Variants in RXFP1 observed in about 807,000 individuals in gnomAD.
RXFP1 encodes the protein relaxin family peptide receptor 1.
A neutral mutation model predicts 89.8 loss-of-function variants in RXFP1; 73 were observed. The ratio of observed to expected loss-of-function variants is 0.81; its 90% CI spans 0.67 to 0.99. The LOEUF (loss-of-function observed/expected upper bound fraction) is 0.99, where lower values mean the gene tolerates loss of function less well. RXFP1 is among the 50% of genes least tolerant of loss of function. The probability of loss-of-function intolerance (pLI) is 0.00; values close to 1 mark genes in which losing one functional copy is unlikely to be tolerated. For synonymous variants in RXFP1, 277 were observed against 305.5 expected, an observed-to-expected ratio of 0.91 and a Z score of 0.97; for missense variants, 793 against 895.5, an observed-to-expected ratio of 0.89 and a Z score of 1.46.
chr4:158,544,232 G>T, intron 1 of RXFP1: 1 of 985,266 alleles, frequency 1.0e-6, no homozygotes, highest in Non-Finnish European at 1.2e-6. Context: ...TATGTCTGTT[G>T]AGAAATATGT....
chr4:158,558,707 A>G (rs568702337), intron 1 of RXFP1, among the ~76,000 whole-genome samples: 5 of 152,240 alleles, frequency 3.3e-5, no homozygotes, highest in African/African-American at 4.8e-5. Flanking sequence ...TGAAGGCCTG[A>G]GAAATCCTGA....
chr4:158,645,132 C>T lies in RXFP1; in HGVS notation c.1339C>T (p.Leu447Phe). 1 of 1,608,238 alleles carries T rather than the reference C, an allele frequency of 6.2e-7. No homozygotes were observed. The highest frequency in any genetic ancestry group is 8.5e-7 in the Non-Finnish European group (1 of 1,174,674). The part of the protein sequence containing the change: ...NKLYAMSIIS[L>F]CCADCLMGIY... ...GCTGTATGCCATGTCAATCATTTCT[C>T]TCTGCTGTGAGTATTTCCTGGTTAA... The change falls in exon 15 of 18, where the codon CTC becomes TTC. Residue 447 changes from leucine to phenylalanine, a missense_variant. Physicochemically the swap from Leu to Phe is conservative, Grantham distance 22. Transcript: ENST00000307765.
At chr4:158,572,969 C>T (rs1755413145) in intron 2 of RXFP1, 134 bp downstream of exon 2, 1 of 1,293,528 alleles carries the variant, frequency 7.7e-7, no homozygotes, top group Non-Finnish European at 1.0e-6. Flanking sequence ...GGAAATCTTA[C>T]ACTTATTTCA....
chr4:158,648,704 G>A lies in RXFP1; in HGVS notation c.1962G>A (p.Gln654=). Residue 654 remains glutamine, a synonymous_variant, in exon 17 of 18, where the codon CAG becomes CAA. Transcript: ENST00000307765. The part of the protein sequence containing the change: ...IFVVKFLSLL[Q]VEIPGTITSW... ...TAGTGAAATTTCTTTCACTGCTTCAGGTAGAAATACCAGGTACAATATTTT... is the reference window on the plus strand; with the variant it reads ...TAGTGAAATTTCTTTCACTGCTTCAAGTAGAAATACCAGGTACAATATTTT... 1.3e-6 allele frequency: 2 copies of A among 1,582,746 alleles called. No homozygotes were observed. Among genetic ancestry groups the A allele is most frequent in the Non-Finnish European group, 1.7e-6 (2 of 1,157,070 alleles).
At chr4:158,614,017 G>A (rs1192215436) in intron 8 of RXFP1, among the ~76,000 whole-genome samples, 1 of 150,406 alleles carries the variant, frequency 6.6e-6, no homozygotes, top group Admixed American at 6.6e-5. Flanking sequence ...TGGATCTCTT[G>A]GGTGACCAGG....
chr4:158,618,144 G>A (rs2150152130), intron 9 of RXFP1, among the ~76,000 whole-genome samples: 1 of 152,148 alleles, frequency 6.6e-6, no homozygotes, highest in East Asian at 1.9e-4. Flanking sequence ...ACAAGCTAAA[G>A]CCATAAAGGA....
intron 1 of RXFP1, among the ~76,000 whole-genome samples, chr4:158,564,523 T>A (rs1466271919): frequency 6.6e-6 from 1 of 152,168 alleles, no homozygotes; most frequent in African/African-American, 2.4e-5. Flanking sequence ...CCAGAGAGAC[T>A]CCATGACAAC....
intron 1 of RXFP1, among the ~76,000 whole-genome samples, chr4:158,538,259 TG>T (rs2149816553): frequency 6.6e-6 from 1 of 152,288 alleles, no homozygotes; most frequent in South Asian, 2.1e-4. Flanking sequence ...TCCCTCTGGC[TG>T]CTGTGTGGAG....
At position 158,572,820 on chromosome 4, in the gene RXFP1, G is replaced by A. The variant is rs1351663425; in HGVS notation, c.172G>A (p.Asp58Asn). Residue 58 changes from aspartate (D) to asparagine (N), a missense_variant, in exon 2 of 18, where the codon GAT becomes AAT. Coordinates refer to ENST00000307765, the MANE Select transcript of RXFP1 (RefSeq NM_021634.4). ...NGVDDCGNQA[D>N]EDNCGDNNGW... is the part of the protein sequence containing the mutation. ...TGTGGACGACTGCGGGAATCAGGCC[G>A]ATGAGGACAACTGTGGTGAGTGAAG... The A allele has an allele frequency of 1.9e-6, 3 of 1,614,158 alleles. No homozygotes were observed. Among genetic ancestry groups the A allele is most frequent in the Admixed American group, 3.3e-5 (2 of 60,028 alleles).
At chr4:158,606,726 GGCAT>G (rs1351049905) in intron 5 of RXFP1, among the ~76,000 whole-genome samples, 7 of 151,354 alleles carry the variant, frequency 4.6e-5, no homozygotes, top group Non-Finnish European at 8.8e-5. Context: ...TAGGACTACA[GGCAT>G]GTGCCACCAC....
At chr4:158,575,464 C>G (rs138487439) in intron 2 of RXFP1, among the ~76,000 whole-genome samples, 1 of 152,104 alleles carries the variant, frequency 6.6e-6, no homozygotes, top group African/African-American at 2.4e-5. Context: ...ATGCTTGTGT[C>G]CCCCATAAAG....
chr4:158,617,865 T>C (rs1764895215), intron 9 of RXFP1, among the ~76,000 whole-genome samples: 1 of 152,152 alleles, frequency 6.6e-6, no homozygotes, highest in Non-Finnish European at 1.5e-5. Flanking sequence ...TCTCAGAAGT[T>C]GGTTGTTTGA....
At chr4:158,527,543 C>T (rs1313034916) in intron 1 of RXFP1, among the ~76,000 whole-genome samples, 1 of 42,432 alleles carries the variant, frequency 2.4e-5, no homozygotes, top group East Asian at 6.0e-4. Context: ...GACTCCATCT[C>T]CCCCGCTCCA....
chr4:158,592,136 A>G (rs1759599188), intron 2 of RXFP1, among the ~76,000 whole-genome samples: 1 of 152,214 alleles, frequency 6.6e-6, no homozygotes, highest in Non-Finnish European at 1.5e-5. Context: ...TAAAAGTGAC[A>G]TAGGGGTTTA....
intron 1 of RXFP1, among the ~76,000 whole-genome samples, chr4:158,538,729 G>A (rs1174456970): frequency 2.0e-5 from 3 of 151,742 alleles, no homozygotes; most frequent in Non-Finnish European, 2.9e-5. Context: ...ACTTGAACTC[G>A]GGAGGCGGAG....
At chr4:158,554,126 G>A (rs1579566182) in intron 1 of RXFP1, among the ~76,000 whole-genome samples, 1 of 151,878 alleles carries the variant, frequency 6.6e-6, no homozygotes, top group Middle Eastern at 3.4e-3. Flanking sequence ...TGTCCCCTGG[G>A]TCCAAAATAA....
intron 2 of RXFP1, 134 bp downstream of exon 2, chr4:158,572,969 C>A: frequency 7.7e-7 from 1 of 1,293,524 alleles, no homozygotes; most frequent in Non-Finnish European, 1.0e-6. Context: ...GGAAATCTTA[C>A]ACTTATTTCA....
At chr4:158,635,058 CA>C (rs111598298) in intron 12 of RXFP1, among the ~76,000 whole-genome samples, 37 of 143,830 alleles carry the variant, frequency 2.6e-4, no homozygotes, top group Admixed American at 4.2e-4. Context: ...CATATTTCTG[CA>C]AAAAAAAAAG....
intron 9 of RXFP1, among the ~76,000 whole-genome samples, chr4:158,626,310 ATTAT>A (rs1293978913): frequency 6.6e-6 from 1 of 152,026 alleles, no homozygotes; most frequent in Non-Finnish European, 1.5e-5. Context: ...ATAGTAAAAG[ATTAT>A]TGAGGATTTT....
Sources: allele counts gnomAD v4.1 joint callset (sites outside exome capture counted in the v4.1 genomes callset), GRCh38; gene constraint gnomAD v4.1.1; transcripts MANE v1.5; gene names NCBI Gene and HGNC (gene_info 2026-07-23, HGNC 2026-07-21).